JAZF1: variants seen among roughly 807,000 people sequenced by gnomAD.
The protein encoded by JAZF1 is juxtaposed with another zinc finger protein 1.
A neutral mutation model predicts 26.4 loss-of-function variants in JAZF1; 8 were observed. The observed-to-expected ratio is 0.30, with a 90% CI of 0.18 to 0.55. The LOEUF (loss-of-function observed/expected upper bound fraction) is 0.55. JAZF1 is among the 20% of genes least tolerant of loss of function. The pLI, the probability that JAZF1 is intolerant of heterozygous loss-of-function variation, is 0.94. For missense variants in JAZF1, 199 were observed against 322.0 expected (o/e 0.62, Z 2.92); for synonymous variants, 126 against 122.3 (o/e 1.03, Z -0.20).
chr7:28,165,975 T>C (rs2127953050), intron 1 of JAZF1, among the ~76,000 whole-genome samples: 1 of 152,294 alleles, frequency 6.6e-6, no homozygotes. Flanking sequence ...ATTGGGTGTT[T>C]GAGATGTTGC....
intron 3 of JAZF1, chr7:27,844,279 C>T (rs752185064): frequency 2.6e-5 from 4 of 152,224 alleles, no homozygotes; most frequent in Non-Finnish European, 5.9e-5. Flanking sequence ...TCACCAAAGC[C>T]CCTGGGCCAG....
intron 1 of JAZF1, among the ~76,000 whole-genome samples, chr7:28,067,183 A>G (rs1317232764): frequency 2.6e-5 from 4 of 152,256 alleles, no homozygotes; most frequent in Non-Finnish European, 5.9e-5. Context: ...TCCACAGCAC[A>G]TGGAGATAGG....
At chr7:27,900,353 A>T (rs1784145314) in intron 2 of JAZF1, among the ~76,000 whole-genome samples, 1 of 152,244 alleles carries the variant, frequency 6.6e-6, no homozygotes, top group Non-Finnish European at 1.5e-5. Context: ...CTCATCACTT[A>T]TTTTATTGAA....
intron 4 of JAZF1, among the ~76,000 whole-genome samples, chr7:27,833,759 G>A (rs930374382): frequency 5.3e-5 from 8 of 152,184 alleles, no homozygotes; most frequent in South Asian, 2.1e-4. Flanking sequence ...TCTGTTTGTC[G>A]GTTTTGCTAG....
Position 27,830,604 on chromosome 7 carries a change from A to C in JAZF1, c.*2196T>G, listed in dbSNP as rs1782667902. On this transcript the variant is annotated 3_prime_UTR_variant, in exon 5 of 5. Coordinates refer to ENST00000283928, the MANE Select transcript of JAZF1 (RefSeq NM_175061.4). The stretch of plus-strand genomic sequence containing the variant: ...TTTGGGTCAGAGGCAGTTTATTTTA[A>C]ATGTGATTTCATTTACATTTATAAG... The C allele has an allele frequency of 5.6e-6, 1 of 180,144 alleles. No homozygotes were observed. Among genetic ancestry groups the C allele is most frequent in the South Asian group, 2.0e-4 (1 of 5,066 alleles). 11.2% of individuals were successfully genotyped at this position (180,144 alleles called of 1,614,324 possible). A position where few individuals can be genotyped will look rare whatever the true frequency, so the allele number is the denominator to read the frequency against.
At chr7:27,849,744 T>TACACACACACACACAC (rs1199710288) in intron 3 of JAZF1, among the ~76,000 whole-genome samples, 6 of 53,528 alleles carry the variant, frequency 1.1e-4, no homozygotes, top group African/African-American at 4.5e-4. Context: ...TTGGAACCCT[T>TACACACACACACACAC]ACACACAGAC....
At chr7:28,015,482 A>AT (rs58494769) in intron 1 of JAZF1, among the ~76,000 whole-genome samples, 4,858 of 152,290 alleles carry the variant, frequency 0.032, 95 homozygotes, top group South Asian at 0.081. Flanking sequence ...TATCTTTGTG[A>AT]TTTTTTCTAA....
intron 2 of JAZF1, among the ~76,000 whole-genome samples, chr7:27,949,794 A>T (rs1249030543): frequency 6.6e-6 from 1 of 152,180 alleles, no homozygotes; most frequent in African/African-American, 2.4e-5. Context: ...TATAAATAAA[A>T]TAAAATTAAC....
chr7:27,915,436 G>A (rs1447898109), intron 2 of JAZF1, among the ~76,000 whole-genome samples: 3 of 152,084 alleles, frequency 2.0e-5, no homozygotes, highest in Admixed American at 6.5e-5. Context: ...ATCTTTCATG[G>A]GTTATTGCCT....
At chr7:28,025,284 T>G (rs1489074819) in intron 1 of JAZF1, among the ~76,000 whole-genome samples, 1 of 152,260 alleles carries the variant, frequency 6.6e-6, no homozygotes, top group Non-Finnish European at 1.5e-5. Context: ...CAACCCTTTA[T>G]TCTACTTTCT....
At chr7:27,979,309 A>T (rs1018562754) in intron 2 of JAZF1, among the ~76,000 whole-genome samples, 1 of 150,814 alleles carries the variant, frequency 6.6e-6, no homozygotes, top group Non-Finnish European at 1.5e-5. Flanking sequence ...TTATTTTAAT[A>T]AAAGCATATT....
chr7:27,863,896 A>G (rs1783424149), intron 3 of JAZF1: 1 of 152,194 alleles, frequency 6.6e-6, no homozygotes, highest in African/African-American at 2.4e-5. Context: ...TCCCTGTCAC[A>G]TTTCTCTCTG....
intron 3 of JAZF1, chr7:27,844,550 G>A (rs1278183400): frequency 3.3e-5 from 5 of 152,058 alleles, no homozygotes; most frequent in South Asian, 2.1e-4. Flanking sequence ...TAAAAATCAC[G>A]AGCACTGCCC....
intron 1 of JAZF1, among the ~76,000 whole-genome samples, chr7:28,055,176 AT>A (rs76959493): frequency 0.033 from 4,918 of 151,210 alleles, 320 homozygotes; most frequent in East Asian, 0.31. Context: ...AAAAAAAAAA[AT>A]TTTTGCAATG....
At chr7:28,062,554 T>A (rs1341431680) in intron 1 of JAZF1, among the ~76,000 whole-genome samples, 1 of 136,104 alleles carries the variant, frequency 7.3e-6, no homozygotes, top group African/African-American at 3.1e-5. Flanking sequence ...GTGCCCACCG[T>A]GATACTCCAA....
At chr7:27,951,161 A>G (rs1041180804) in intron 2 of JAZF1, among the ~76,000 whole-genome samples, 6 of 152,180 alleles carry the variant, frequency 3.9e-5, no homozygotes, top group African/African-American at 7.2e-5. Flanking sequence ...TAAGGACTCA[A>G]TAAAAGGTTG....
chr7:27,975,177 G>C (rs187773623), intron 2 of JAZF1, among the ~76,000 whole-genome samples: 1 of 152,062 alleles, frequency 6.6e-6, no homozygotes, highest in Non-Finnish European at 1.5e-5. Context: ...GAGTCACCGC[G>C]TCGGGCCAGG....
chr7:27,922,357 G>A (rs1784543828), intron 2 of JAZF1, among the ~76,000 whole-genome samples: 1 of 152,112 alleles, frequency 6.6e-6, no homozygotes, highest in Non-Finnish European at 1.5e-5. Flanking sequence ...CAATTCTCCT[G>A]CCTCAGCCTC....
intron 1 of JAZF1, among the ~76,000 whole-genome samples, chr7:27,994,282 T>G (rs1224702942): frequency 2.0e-5 from 3 of 152,168 alleles, no homozygotes; most frequent in African/African-American, 7.2e-5. Context: ...AAATCAAGAA[T>G]GTTTAGCACT....
Sources: gnomAD v4.1 joint callset for allele counts (sites outside exome capture counted in the v4.1 genomes callset) on GRCh38, gnomAD v4.1.1 for gene constraint, MANE v1.5 for transcripts, NCBI Gene and HGNC (gene_info 2026-07-23, HGNC 2026-07-21) for gene names.